Variants in PRKCE observed in about 807,000 individuals in gnomAD.
PRKCE encodes the protein protein kinase C epsilon.
Under a neutral mutation model 85.4 loss-of-function variants are expected in PRKCE, and 16 were observed. That is an observed-to-expected ratio of 0.19 (90% confidence interval 0.13 to 0.28). The LOEUF (loss-of-function observed/expected upper bound fraction) is 0.28, where lower values mean the gene tolerates loss of function less well. PRKCE is among the 10% of genes least tolerant of loss of function. PRKCE has a pLI of 1.00. For synonymous variants in PRKCE, 388 were observed against 371.5 expected, an observed-to-expected ratio of 1.04 and a Z score of -0.51; for missense variants, 573 against 975.2, an observed-to-expected ratio of 0.59 and a Z score of 5.49.
chr2:45,684,388 A>G (rs1206621124), intron 1 of PRKCE, among the ~76,000 whole-genome samples: 1 of 152,222 alleles, frequency 6.6e-6, no homozygotes, highest in Non-Finnish European at 1.5e-5. Flanking sequence ...CTGTGCTCAC[A>G]TGAACACCAC....
At chr2:45,924,106 T>G (rs1698442239) in intron 2 of PRKCE, among the ~76,000 whole-genome samples, 3 of 152,166 alleles carry the variant, frequency 2.0e-5, no homozygotes, top group Admixed American at 2.0e-4. Flanking sequence ...ACCCAACCCC[T>G]TTTCCCATCT....
At chr2:45,798,652 A>G (rs913826387) in intron 1 of PRKCE, among the ~76,000 whole-genome samples, 1 of 151,738 alleles carries the variant, frequency 6.6e-6, no homozygotes, top group Non-Finnish European at 1.5e-5. Flanking sequence ...TAATGGGAAT[A>G]TTTTTCTTGC....
At chr2:45,999,614 G>C (rs1377008768) in intron 6 of PRKCE, among the ~76,000 whole-genome samples, 4 of 151,976 alleles carry the variant, frequency 2.6e-5, no homozygotes, top group African/African-American at 4.8e-5. Context: ...TGTTCTTCAA[G>C]CTTCCTGGAG....
Position 46,041,030 on chromosome 2 carries a change from G to A in PRKCE, c.1437+30513G>A, listed in dbSNP as rs559660363. On this transcript the variant is annotated intron_variant, in intron 10 of 14. Transcript: ENST00000306156. This position sits in a 1 kb window ranked among gnomAD's most constrained non-coding sequence, Gnocchi z 5.5. ...TCCAGCATTCAAAATAAATCATTCC[G>A]TTTGCCTGTCATATTCTGACTTTTT... 7.9e-5 allele frequency among the ~76,000 whole-genome samples: 12 copies of A among 152,164 alleles called. No homozygotes were observed. Among genetic ancestry groups the A allele is most frequent in the Non-Finnish European group, 1.6e-4 (11 of 68,034 alleles).
intron 1 of PRKCE, among the ~76,000 whole-genome samples, chr2:45,682,598 C>T (rs1355261332): frequency 6.6e-6 from 1 of 151,392 alleles, no homozygotes; most frequent in Non-Finnish European, 1.5e-5. Context: ...GGCTAATTTT[C>T]TTTTTGAGAT....
chr2:46,116,697 T>A (rs1480848425), intron 11 of PRKCE, among the ~76,000 whole-genome samples: 2 of 152,082 alleles, frequency 1.3e-5, no homozygotes, highest in African/African-American at 4.8e-5. Flanking sequence ...CCAGAGACGC[T>A]AATTCAGTCA....
At chr2:45,869,550 A>G (rs1693906238) in intron 2 of PRKCE, among the ~76,000 whole-genome samples, 1 of 152,074 alleles carries the variant, frequency 6.6e-6, no homozygotes, top group Non-Finnish European at 1.5e-5. Context: ...ACCCTATGTG[A>G]GGTAGGGACA....
intron 10 of PRKCE, among the ~76,000 whole-genome samples, chr2:46,012,416 C>G (rs1347005659): frequency 6.6e-6 from 1 of 151,976 alleles, no homozygotes; most frequent in African/African-American, 2.4e-5. Context: ...GACCTGGCAT[C>G]TCATCTAGTC....
chr2:45,723,193 T>G (rs6544848), intron 1 of PRKCE, among the ~76,000 whole-genome samples: 2 of 151,878 alleles, frequency 1.3e-5, no homozygotes, highest in African/African-American at 2.4e-5. Flanking sequence ...TCTGCCCTCC[T>G]GGGACTTTCA....
At chr2:46,071,857 G>A (rs928760882) in intron 10 of PRKCE, among the ~76,000 whole-genome samples, 1 of 152,166 alleles carries the variant, frequency 6.6e-6, no homozygotes, top group Non-Finnish European at 1.5e-5. Flanking sequence ...AGGAACAAAA[G>A]ATTTGTGAAC....
At chr2:46,061,710 C>G (rs1347362691) in intron 10 of PRKCE, among the ~76,000 whole-genome samples, 1 of 152,140 alleles carries the variant, frequency 6.6e-6, no homozygotes, top group Non-Finnish European at 1.5e-5. Flanking sequence ...TTTAAATCCC[C>G]TAGTTCCTGG....
intron 2 of PRKCE, among the ~76,000 whole-genome samples, chr2:45,915,410 G>T (rs1456688419): frequency 6.6e-6 from 1 of 152,110 alleles, no homozygotes; most frequent in African/African-American, 2.4e-5. Flanking sequence ...AGAACAAAGG[G>T]TTTAAATATT....
At chr2:46,082,920 A>C (rs943820256) in intron 10 of PRKCE, among the ~76,000 whole-genome samples, 11 of 152,140 alleles carry the variant, frequency 7.2e-5, no homozygotes, top group Non-Finnish European at 1.3e-4. Context: ...CTTCATGAGA[A>C]TTCTGTAAGG....
At chr2:45,932,558 A>T (rs1400602482) in intron 2 of PRKCE, among the ~76,000 whole-genome samples, 1 of 152,226 alleles carries the variant, frequency 6.6e-6, no homozygotes, top group Non-Finnish European at 1.5e-5. Flanking sequence ...CAACCCTGCC[A>T]AAACTTGGGA....
At chr2:45,817,215 A>G (rs1047140894) in intron 1 of PRKCE, among the ~76,000 whole-genome samples, 3 of 151,996 alleles carry the variant, frequency 2.0e-5, no homozygotes, top group African/African-American at 7.3e-5. Flanking sequence ...CTCATTTCTT[A>G]TTGAGCTTTG....
chr2:45,900,822 T>C (rs1024088262), intron 2 of PRKCE, among the ~76,000 whole-genome samples: 2 of 152,270 alleles, frequency 1.3e-5, no homozygotes, highest in Admixed American at 1.3e-4. Flanking sequence ...TTCCTAAATT[T>C]ATGCTGCCAG....
intron 2 of PRKCE, among the ~76,000 whole-genome samples, chr2:45,889,821 C>T (rs1695581779): frequency 6.6e-6 from 1 of 152,210 alleles, no homozygotes; most frequent in Non-Finnish European, 1.5e-5. Context: ...ACACAAAGGT[C>T]ACGCACTCCT....
intron 1 of PRKCE, among the ~76,000 whole-genome samples, chr2:45,791,887 T>C (rs1255489773): frequency 6.6e-6 from 1 of 152,162 alleles, no homozygotes; most frequent in East Asian, 1.9e-4. Flanking sequence ...CCACAGGACC[T>C]CTCTGGGTCT....
intron 1 of PRKCE, among the ~76,000 whole-genome samples, chr2:45,727,199 T>C (rs926298906): frequency 6.6e-6 from 1 of 152,210 alleles, no homozygotes; most frequent in Admixed American, 6.5e-5. Context: ...TAGAAAACTG[T>C]GTAGACAAGA....
Sources: gnomAD v4.1 joint callset for allele counts (sites outside exome capture counted in the v4.1 genomes callset) on GRCh38, gnomAD v4.1.1 for gene constraint, Gnocchi (gnomAD v3.1) non-coding constraint, MANE v1.5 for transcripts, NCBI Gene and HGNC (gene_info 2026-07-23, HGNC 2026-07-21) for gene names.